The following TMPRSS2 variants were observed in gnomAD, a reference collection of about 807,000 sequenced individuals.
The protein encoded by TMPRSS2 is transmembrane serine protease 2.
A neutral mutation model predicts 67.4 loss-of-function variants in TMPRSS2; 59 were observed. The observed-to-expected ratio is 0.88, with a 90% CI of 0.71 to 1.09. The LOEUF is 1.09. TMPRSS2 is among the 50% of genes least tolerant of loss of function. The pLI is 0.00. For synonymous variants in TMPRSS2, 257 were observed against 257.0 expected (o/e 1.00, Z 0.00); for missense variants, 668 against 642.7 (o/e 1.04, Z -0.43).
At chr21:41,467,621 A>G (rs1569008184) in intron 13 of TMPRSS2, 113 bp downstream of exon 13, 6 of 1,301,036 alleles carry the variant, frequency 4.6e-6, no homozygotes, top group South Asian at 1.4e-5. Flanking sequence ...AGTTTGCTTC[A>G]TGCTGACCAG....
intron 8 of TMPRSS2, among the ~76,000 whole-genome samples, chr21:41,473,953 G>T (rs2091159803): frequency 1.2e-5 from 1 of 83,218 alleles, no homozygotes; most frequent in South Asian, 4.9e-4. Flanking sequence ...GAGGTGAGGG[G>T]GTGAGTGGGT....
chr21:41,503,100 T>C (rs1199291979), intron 1 of TMPRSS2, among the ~76,000 whole-genome samples: 2 of 152,190 alleles, frequency 1.3e-5, no homozygotes, highest in Non-Finnish European at 2.9e-5. Flanking sequence ...AAATTTGAAA[T>C]ACAATGCAAT....
chr21:41,470,176 G>A (rs1024238003), intron 11 of TMPRSS2, among the ~76,000 whole-genome samples: 10 of 152,284 alleles, frequency 6.6e-5, no homozygotes, highest in Non-Finnish European at 1.3e-4. Flanking sequence ...AAGACTGTCA[G>A]AGAGAAATGC....
intron 5 of TMPRSS2, among the ~76,000 whole-genome samples, chr21:41,484,950 T>C (rs1381414886): frequency 6.6e-6 from 1 of 151,918 alleles, no homozygotes; most frequent in Non-Finnish European, 1.5e-5. Flanking sequence ...CACTGGGAAA[T>C]AGGGTCATGG....
chr21:41,477,531 A>T (rs529909772), intron 7 of TMPRSS2, among the ~76,000 whole-genome samples: 2 of 152,290 alleles, frequency 1.3e-5, no homozygotes, highest in Non-Finnish European at 2.9e-5. Context: ...AATCCAGAGC[A>T]AATCTCTGCT....
intron 7 of TMPRSS2, among the ~76,000 whole-genome samples, chr21:41,477,112 G>A (rs2091220167): frequency 6.6e-6 from 1 of 152,224 alleles, no homozygotes; most frequent in Non-Finnish European, 1.5e-5. Flanking sequence ...TATGGATGAA[G>A]AGGAAGTAAC....
chr21:41,497,903 G>T (rs1182166523), intron 2 of TMPRSS2, among the ~76,000 whole-genome samples: 1 of 152,234 alleles, frequency 6.6e-6, no homozygotes, highest in Non-Finnish European at 1.5e-5. Flanking sequence ...TATCACCCAC[G>T]TGTACCCAAC....
At chr21:41,485,530 T>A (rs1242199883) in intron 5 of TMPRSS2, among the ~76,000 whole-genome samples, 1 of 151,742 alleles carries the variant, frequency 6.6e-6, no homozygotes, top group Non-Finnish European at 1.5e-5. Flanking sequence ...GCACCTGTAG[T>A]CCCAGCCACT....
intron 1 of TMPRSS2, among the ~76,000 whole-genome samples, chr21:41,502,256 C>T (rs2091429514): frequency 6.6e-6 from 1 of 152,206 alleles, no homozygotes; most frequent in South Asian, 2.1e-4. Flanking sequence ...TCTCAGGACA[C>T]GTTTACTGGA....
rs752945597 is a variant in TMPRSS2 at position 41,488,471 on chromosome 21, G to T, written c.368C>A (p.Ser123Ter). ...CSNSGIECDS[S>*]GTCINPSNWC... ...GTTAGAGGGGTTGATGCAGGTACCTGAGGAGTCGCACTCTATCCCAGAGTT... is the reference window on the plus strand; with the variant it reads ...GTTAGAGGGGTTGATGCAGGTACCTTAGGAGTCGCACTCTATCCCAGAGTT... Residue 123 changes from serine to a stop codon, truncating the protein, a stop_gained, in exon 5 of 14, where the codon TCA becomes TAA. Coordinates refer to ENST00000332149, the MANE Select transcript of TMPRSS2 (RefSeq NM_005656.4). LOFTEE classifies it high-confidence loss of function. The T allele has an allele frequency of 2.1e-5, 34 of 1,613,782 alleles. No homozygotes were observed. The highest frequency in any genetic ancestry group is 2.9e-5 in the Non-Finnish European group (34 of 1,179,886).
At chr21:41,501,372 G>A (rs1186339149) in intron 1 of TMPRSS2, among the ~76,000 whole-genome samples, 1 of 152,154 alleles carries the variant, frequency 6.6e-6, no homozygotes, top group Non-Finnish European at 1.5e-5. Context: ...ACTTTGGGAG[G>A]CCAAGGCGGG....
Position 41,478,133 on chromosome 21 carries a change from C to T in TMPRSS2, c.683+1039G>A, listed in dbSNP as rs1310075660. ...GTTTAGCTTCTCCACAGGGACAAAC[C>T]GCAGCCCTGCTGTTTTGATGGGTGC... On this transcript the variant is annotated intron_variant, in intron 7 of 13. Transcript: ENST00000332149. This position sits in a 1 kb window ranked among gnomAD's most constrained non-coding sequence, Gnocchi z 4.0. 1.3e-5 allele frequency among the ~76,000 whole-genome samples: 2 copies of T among 152,224 alleles called. No homozygotes were observed. The highest frequency in any genetic ancestry group is 2.9e-5 in the Non-Finnish European group (2 of 68,048).
chr21:41,493,097 C>A (rs1186902815), intron 3 of TMPRSS2, among the ~76,000 whole-genome samples: 2 of 152,170 alleles, frequency 1.3e-5, no homozygotes, highest in South Asian at 2.1e-4. Context: ...CCACTTGTAA[C>A]CACCCACACT....
intron 2 of TMPRSS2, among the ~76,000 whole-genome samples, chr21:41,496,260 C>T (rs977253459): frequency 2.0e-5 from 3 of 152,136 alleles, no homozygotes; most frequent in Non-Finnish European, 2.9e-5. Flanking sequence ...AAGAAATGTT[C>T]CTAAAGGAGC....
At chr21:41,476,482 C>A in intron 8 of TMPRSS2, 95 bp downstream of exon 8, 1 of 1,308,918 alleles carries the variant, frequency 7.6e-7, no homozygotes. Context: ...ACCTTCTTCC[C>A]TCCCACGCCC....
chr21:41,502,143 C>T (rs1223530823), intron 1 of TMPRSS2, among the ~76,000 whole-genome samples: 2 of 152,210 alleles, frequency 1.3e-5, no homozygotes, highest in Non-Finnish European at 2.9e-5. Flanking sequence ...TGCCTGGCCA[C>T]CATGCAGCAG....
chr21:41,506,904 A>C (rs1232041692), intron 1 of TMPRSS2, among the ~76,000 whole-genome samples: 1 of 152,164 alleles, frequency 6.6e-6, no homozygotes, highest in East Asian at 1.9e-4. Context: ...CCGCGGGACC[A>C]CTGCACAGGT....
intron 12 of TMPRSS2, 29 bp downstream of exon 12, chr21:41,468,367 C>T (rs1471780154): frequency 6.2e-7 from 1 of 1,613,400 alleles, no homozygotes; most frequent in South Asian, 1.1e-5. Flanking sequence ...CTGGTAAGGA[C>T]CAAAGGTAGA....
At chr21:41,466,305 G>C (rs1278798067) in intron 13 of TMPRSS2, 152 bp from the exon 14 acceptor site, 2 of 784,590 alleles carry the variant, frequency 2.5e-6, no homozygotes, top group African/African-American at 1.7e-5. Flanking sequence ...CAACGTGTTG[G>C]TCAGAGTCAG....
Sources: allele counts gnomAD v4.1 joint callset (sites outside exome capture counted in the v4.1 genomes callset), GRCh38; gene constraint gnomAD v4.1.1; non-coding constraint Gnocchi (gnomAD v3.1); transcripts MANE v1.5; gene names NCBI Gene and HGNC (gene_info 2026-07-23, HGNC 2026-07-21).